The following ITPRIP variants were observed in gnomAD, a reference collection of about 807,000 sequenced individuals.
ITPRIP encodes the protein inositol 1,4,5-trisphosphate receptor interacting protein.
ITPRIP carries 32 observed loss-of-function variants against 35.8 expected under a neutral mutation model. The observed-to-expected ratio is 0.89, with a 90% CI of 0.68 to 1.20. ITPRIP has a LOEUF of 1.20. ITPRIP is among the 50% of genes most tolerant of loss of function. The pLI is 0.00. For missense variants in ITPRIP, 653 were observed against 735.6 expected, an observed-to-expected ratio of 0.89 and a Z score of 1.30; for synonymous variants, 358 against 324.0, an observed-to-expected ratio of 1.11 and a Z score of -1.13.
At chr10:104,325,456 G>C (rs576355984) in intron 1 of ITPRIP, among the ~76,000 whole-genome samples, 1 of 152,116 alleles carries the variant, frequency 6.6e-6, no homozygotes. Flanking sequence ...GTGTCTCCTC[G>C]TTGGCCCCAG....
chr10:104,315,160 T>C lies in ITPRIP; in HGVS notation c.892A>G (p.Met298Val), dbSNP rs745907904. 2 of 1,613,992 alleles carry C rather than the reference T, an allele frequency of 1.2e-6. No homozygotes were observed. The part of the protein sequence containing the change: ...CATDSLYLDT[M>V]QVMKWFQTAL... ...GTCTGGAACCACTTCATGACCTGCA[T>C]CGTGTCCAGGTACAGGGAATCTGTG... Residue 298 changes from methionine to valine, a missense_variant, in exon 2 of 2, where the codon ATG (methionine) becomes GTG (valine). By Grantham distance (21) the Met-to-Val change is conservative. Coordinates refer to ENST00000337478, the MANE Select transcript of ITPRIP (RefSeq NM_001272013.2). This position sits in a 1 kb window ranked among gnomAD's most constrained non-coding sequence, Gnocchi z 5.7.
chr10:104,335,884 G>A (rs117413839), intron 1 of ITPRIP, among the ~76,000 whole-genome samples: 195 of 152,008 alleles, frequency 1.3e-3, no homozygotes, highest in Middle Eastern at 6.8e-3. Context: ...TAACTCATAC[G>A]GCTACTGTGA....
Position 104,314,831 on chromosome 10 carries a change from G to A in ITPRIP, c.1221C>T (p.Ser407=). ...GCAGGAAGGATGCTATCTGCAGGCA[G>A]CTGAGGTGGCAGGCGCCCTCGGGCA... ...KALPEGACHL[S]CLQIASFLLS... Residue 407 remains serine, a synonymous_variant, in exon 2 of 2, where the codon AGC becomes AGT. Coordinates refer to ENST00000337478, the MANE Select transcript of ITPRIP (RefSeq NM_001272013.2). 1 of 1,613,900 alleles carries A rather than the reference G, an allele frequency of 6.2e-7. No individual in the cohort carries two copies. Among genetic ancestry groups the A allele is most frequent in the South Asian group, 1.1e-5 (1 of 91,086 alleles).
chr10:104,314,965 A>C lies in ITPRIP; in HGVS notation c.1087T>G (p.Ser363Ala). 1 of 1,613,864 alleles carries C rather than the reference A, an allele frequency of 6.2e-7. No individual in the cohort carries two copies. Among genetic ancestry groups the C allele is most frequent in the Non-Finnish European group, 8.5e-7 (1 of 1,180,024 alleles). ...TCAGAGGGCTCCCTGGGAAGGTGGGAGACAAAGTACAGGTCCGAGTCATCA... is the reference window on the plus strand; with the variant it reads ...TCAGAGGGCTCCCTGGGAAGGTGGGCGACAAAGTACAGGTCCGAGTCATCA... ...QCDDSDLYFVSHLPREPSEGT... is the reference protein window; with the variant it reads ...QCDDSDLYFVAHLPREPSEGT... The change falls in exon 2 of 2, where the codon TCC becomes GCC. Residue 363 changes from serine to alanine, a missense_variant. By Grantham distance (99) the Ser-to-Ala change is moderately conservative. Coordinates refer to ENST00000337478, the MANE Select transcript of ITPRIP (RefSeq NM_001272013.2).
chr10:104,322,265 G>A (rs746423812), intron 1 of ITPRIP, among the ~76,000 whole-genome samples: 3 of 152,156 alleles, frequency 2.0e-5, no homozygotes, highest in Non-Finnish European at 2.9e-5. Flanking sequence ...AGGAGCATGT[G>A]TCCGGCCCCA....
chr10:104,310,489 A>T lies in ITPRIP; in HGVS notation c.*3919T>A, dbSNP rs2013458877. On this transcript the variant is annotated 3_prime_UTR_variant, in exon 2 of 2. Transcript: ENST00000337478. ...TCAACCTCATTTGCTACGACTTCTC[A>T]GTATATGCCAACATGTACACCAGGA... The T allele has an allele frequency of 6.6e-6, 1 of 152,128 alleles. No homozygotes were observed. Among genetic ancestry groups the T allele is most frequent in the South Asian group, 2.1e-4 (1 of 4,828 alleles). 9.4% of individuals were successfully genotyped at this position (152,128 alleles called of 1,614,324 possible).
In ITPRIP at chr10:104,328,311, TCACC is replaced by T. The variant is rs748252070; in HGVS notation, c.-14+9931_-14+9934del. ...TTTCCCCTAGCCCTGTGGCCGCATC[TCACC>T]CACAAGGGTGCTGGTTTGGAGAGAG... On this transcript the variant is annotated intron_variant, in intron 1 of 1. Coordinates refer to ENST00000337478, the MANE Select transcript of ITPRIP (RefSeq NM_001272013.2). The surrounding 1 kb of genome is among the most constrained non-coding windows in gnomAD (Gnocchi z 4.1). 1 of 985,118 alleles carries T rather than the reference TCACC, an allele frequency of 1.0e-6. No homozygotes were observed. The highest frequency in any genetic ancestry group is 1.2e-6 in the Non-Finnish European group (1 of 829,794). The allele number at this position is 985,118 out of a possible 1,614,324, so 61.0% of individuals were successfully genotyped here. A position where few individuals can be genotyped will look rare whatever the true frequency, so the allele number is the denominator to read the frequency against.
At chr10:104,319,852 C>T (rs1366888567) in intron 1 of ITPRIP, among the ~76,000 whole-genome samples, 3 of 151,890 alleles carry the variant, frequency 2.0e-5, no homozygotes, top group South Asian at 2.1e-4. Context: ...AAGGAGGAGC[C>T]GACAAACCCC....
Position 104,313,467 on chromosome 10 carries a change from A to C in ITPRIP, c.*941T>G. ...GTGGTTGCCAATGAAGAAGTGATAG[A>C]GTTTCTTTTCCAGCTGTCCTTTGCC... is the stretch of plus-strand genomic sequence containing the variant. On this transcript the variant is annotated 3_prime_UTR_variant, in exon 2 of 2. Coordinates refer to ENST00000337478, the MANE Select transcript of ITPRIP (RefSeq NM_001272013.2). 1.0e-6 allele frequency: 1 copy of C among 985,738 alleles called. No homozygotes were observed. Among genetic ancestry groups the C allele is most frequent in the South Asian group, 4.7e-5 (1 of 21,296 alleles). The allele number at this position is 985,738 out of a possible 1,614,324, so 61.1% of individuals were successfully genotyped here.
intron 1 of ITPRIP, among the ~76,000 whole-genome samples, chr10:104,318,540 C>T (rs539533808): frequency 9.1e-4 from 138 of 152,326 alleles, no homozygotes; most frequent in African/African-American, 3.1e-3. Flanking sequence ...GGCTGGGAAC[C>T]ATCCCTGTGT....
Position 104,310,624 on chromosome 10 carries a change from G to T in ITPRIP, c.*3784C>A, listed in dbSNP as rs1009187077. The T allele has an allele frequency of 5.3e-5, 8 of 152,102 alleles. No individual in the cohort carries two copies. The highest frequency in any genetic ancestry group is 1.0e-4 in the Non-Finnish European group (7 of 68,032). 9.4% of individuals were successfully genotyped at this position (152,102 alleles called of 1,614,324 possible). The stretch of plus-strand genomic sequence containing the variant: ...CTGGAAAGCAGGGAGGATAAGAATA[G>T]CACCTACATCATAGGACTGACATGG... On this transcript the variant is annotated 3_prime_UTR_variant, in exon 2 of 2. Coordinates refer to ENST00000337478, the MANE Select transcript of ITPRIP (RefSeq NM_001272013.2).
chr10:104,328,318 C>CA lies in ITPRIP; in HGVS notation c.-14+9927dup. On this transcript the variant is annotated intron_variant, in intron 1 of 1. Coordinates refer to ENST00000337478, the MANE Select transcript of ITPRIP (RefSeq NM_001272013.2). The surrounding 1 kb of genome is among the most constrained non-coding windows in gnomAD (Gnocchi z 4.1). ...TAGCCCTGTGGCCGCATCTCACCCA[C>CA]AAGGGTGCTGGTTTGGAGAGAGCAT... The CA allele has an allele frequency of 1.0e-6, 1 of 983,884 alleles. No homozygotes were observed. The highest frequency in any genetic ancestry group is 1.2e-6 in the Non-Finnish European group (1 of 828,552). 60.9% of individuals were successfully genotyped at this position (983,884 alleles called of 1,614,324 possible).
rs138082433 is a variant in ITPRIP, at chr10:104,315,752, G to A, written c.300C>T (p.Ile100=). 9.9e-4 allele frequency: 1,598 copies of A among 1,613,914 alleles called. 2 individuals carry two copies. Among genetic ancestry groups the A allele is most frequent in the Non-Finnish European group, 1.2e-3 (1,444 of 1,179,994 alleles). ...STLCMILFLM[I]EVWRQDHQEG... ...CCTGGTGGTCCTGCCGCCACACCTC[G>A]ATCATCAGGAAGAGGATCATGCAGA... Residue 100 remains isoleucine, a synonymous_variant, in exon 2 of 2, where the codon ATC becomes ATT. Coordinates refer to ENST00000337478, the MANE Select transcript of ITPRIP (RefSeq NM_001272013.2). This position sits in a 1 kb window ranked among gnomAD's most constrained non-coding sequence, Gnocchi z 5.7.
intron 1 of ITPRIP, among the ~76,000 whole-genome samples, chr10:104,337,384 A>G (rs927623093): frequency 2.0e-5 from 3 of 152,240 alleles, no homozygotes; most frequent in Non-Finnish European, 4.4e-5. Context: ...CTGGTACTCT[A>G]CTAGTTGTGA....
intron 1 of ITPRIP, among the ~76,000 whole-genome samples, chr10:104,324,666 G>T (rs1589892317): frequency 6.6e-6 from 1 of 152,082 alleles, no homozygotes; most frequent in Admixed American, 6.5e-5. Context: ...TCGAGGACCC[G>T]GGTTGTAAAA....
At chr10:104,336,494 T>TTGGGG (rs1491360945) in intron 1 of ITPRIP, among the ~76,000 whole-genome samples, 1 of 74,610 alleles carries the variant, frequency 1.3e-5, no homozygotes, top group African/African-American at 4.1e-5. Flanking sequence ...TATTTTTTTT[T>TTGGGG]GGGGGGGGGG....
At position 104,313,709 on chromosome 10, in the gene ITPRIP, G is replaced by A. The variant is rs569931203; in HGVS notation, c.*699C>T. 3 of 985,482 alleles carry A rather than the reference G, an allele frequency of 3.0e-6. No individual in the cohort carries two copies. Among genetic ancestry groups the A allele is most frequent in the South Asian group, 9.4e-5 (2 of 21,296 alleles). The allele number at this position is 985,482 out of a possible 1,614,324, so 61.0% of individuals were successfully genotyped here. ...AAGGGGGTGCACCTGAGTGAGAAGT[G>A]TAGGGTGCAGCTGAGTGAGAAGTGT... On this transcript the variant is annotated 3_prime_UTR_variant, in exon 2 of 2. Coordinates refer to ENST00000337478, the MANE Select transcript of ITPRIP (RefSeq NM_001272013.2).
chr10:104,326,459 C>CAA lies in ITPRIP; in HGVS notation c.-13-10397_-13-10396dup, dbSNP rs1194721877. 9.8e-5 allele frequency: 15 copies of CAA among 152,326 alleles called. No individual in the cohort carries two copies. Among genetic ancestry groups the CAA allele is most frequent in the African/African-American group, 3.4e-4 (14 of 41,458 alleles). The allele number at this position is 152,326 out of a possible 1,614,324, so 9.4% of individuals were successfully genotyped here. On this transcript the variant is annotated intron_variant, in intron 1 of 1. Coordinates refer to ENST00000337478, the MANE Select transcript of ITPRIP (RefSeq NM_001272013.2). This position sits in a 1 kb window ranked among gnomAD's most constrained non-coding sequence, Gnocchi z 4.8. ...ATCACAGCATCTTGGGACAGACAGA[C>CAA]AAACGCCTGATCTCTATGGCTGGGT...
At chr10:104,338,153 C>T (rs1478866406) in intron 1 of ITPRIP, 93 bp downstream of exon 1, 1 of 152,974 alleles carries the variant, frequency 6.5e-6, no homozygotes, top group East Asian at 1.9e-4. Flanking sequence ...TGCGCCCCCT[C>T]TGTCGGCAGC....
Sources: allele counts gnomAD v4.1 joint callset (sites outside exome capture counted in the v4.1 genomes callset), GRCh38; gene constraint gnomAD v4.1.1; non-coding constraint Gnocchi (gnomAD v3.1); transcripts MANE v1.5; gene names NCBI Gene and HGNC (gene_info 2026-07-23, HGNC 2026-07-21).